TTC23L: variants seen among roughly 807,000 people sequenced by gnomAD.
The protein encoded by TTC23L is tetratricopeptide repeat domain 23 like.
Under a neutral mutation model 48.1 loss-of-function variants are expected in TTC23L, and 42 were observed. That is an observed-to-expected ratio of 0.87 (90% CI 0.68 to 1.13). The LOEUF is 1.13. Ranked by LOEUF, TTC23L falls within the 50% of genes most tolerant of loss-of-function variation. TTC23L has a pLI of 0.00. For missense variants in TTC23L, 391 were observed against 421.0 expected (o/e 0.93, Z 0.62); for synonymous variants, 159 against 157.2 (o/e 1.01, Z -0.09).
the TTC23L span, among the ~76,000 whole-genome samples, chr5:34,917,352 G>C: frequency 5.9e-5 from 9 of 152,136 alleles, no homozygotes; most frequent in Non-Finnish European, 4.4e-5. Flanking sequence ...CTTTAAAAAT[G>C]GTCCAGCGTG....
At chr5:34,903,937 C>T (rs1345448193), downstream of TTC23L, among the ~76,000 whole-genome samples, 81 of 152,064 alleles carry the variant, frequency 5.3e-4, no homozygotes, top group Non-Finnish European at 2.9e-5. Flanking sequence ...CAAGCTGTCT[C>T]ACATACAGAT....
intron 8 of TTC23L, 139 bp from the exon 9 acceptor site, chr5:34,880,042 C>A: frequency 9.9e-7 from 1 of 1,005,712 alleles, no homozygotes; most frequent in African/African-American, 1.6e-5. Flanking sequence ...ACATCTTAGA[C>A]TTTTAAAGAG....
the TTC23L span, chr5:34,914,777 T>G: frequency 6.2e-7 from 1 of 1,614,252 alleles, no homozygotes. Flanking sequence ...ACACGTGGCA[T>G]GTTCTCGGAA....
At chr5:34,896,817 G>C in exon 10 of TTC23L, 1 of 751,242 alleles carries the variant, frequency 1.3e-6, no homozygotes. Context: ...ATTCCTGGAA[G>C]AAGGAACTCT....
intron 8 of TTC23L, chr5:34,869,316 G>A: frequency 3.5e-6 from 1 of 287,076 alleles, no homozygotes; most frequent in East Asian, 7.8e-5. Flanking sequence ...GGCCTGTGCA[G>A]TATCGGTTGA....
intron 9 of TTC23L, among the ~76,000 whole-genome samples, chr5:34,890,664 A>C (rs947001388): frequency 6.6e-6 from 1 of 152,196 alleles, no homozygotes; most frequent in Non-Finnish European, 1.5e-5. Context: ...TTTATGATTT[A>C]CTGAAGTTAA....
chr5:34,841,046 A>T (rs6872316), intron 2 of TTC23L, among the ~76,000 whole-genome samples: 198 of 152,266 alleles, frequency 1.3e-3, no homozygotes, highest in African/African-American at 4.1e-3. Context: ...TGTCTCAAAA[A>T]AAAATAAAAT....
intron 9 of TTC23L, among the ~76,000 whole-genome samples, chr5:34,886,494 C>T (rs1000601123): frequency 9.2e-5 from 14 of 151,936 alleles, no homozygotes; most frequent in Non-Finnish European, 1.6e-4. Flanking sequence ...ATAATACGGG[C>T]AGGATCTGCT....
chr5:34,925,225 G>A, the TTC23L span: 2 of 1,421,060 alleles, frequency 1.4e-6, no homozygotes, highest in South Asian at 1.4e-5. Flanking sequence ...TTTTTTTTTA[G>A]CATCGGCGTG....
chr5:34,866,686 G>C (rs1184784675), intron 6 of TTC23L, among the ~76,000 whole-genome samples: 4 of 152,166 alleles, frequency 2.6e-5, no homozygotes, highest in African/African-American at 9.7e-5. Context: ...ATAGTAATGG[G>C]TTTAATGAGT....
chr5:34,892,761 T>A (rs560259312), intron 9 of TTC23L, among the ~76,000 whole-genome samples: 2 of 152,080 alleles, frequency 1.3e-5, no homozygotes, highest in African/African-American at 4.8e-5. Context: ...CATAGTGGCG[T>A]AGATACCCGA....
chr5:34,857,366 T>C (rs953160364), intron 4 of TTC23L, among the ~76,000 whole-genome samples: 1 of 152,214 alleles, frequency 6.6e-6, no homozygotes, highest in African/African-American at 2.4e-5. Context: ...TTCCAGGTAC[T>C]GGGGCTCTGT....
chr5:34,847,295 C>G (rs903676363), intron 3 of TTC23L, among the ~76,000 whole-genome samples: 1 of 152,136 alleles, frequency 6.6e-6, no homozygotes, highest in Non-Finnish European at 1.5e-5. Flanking sequence ...TCTAAAAACA[C>G]ACAAGTACCA....
At chr5:34,918,419 T>G in the TTC23L span, 2 of 1,610,074 alleles carry the variant, frequency 1.2e-6, no homozygotes, top group Non-Finnish European at 1.7e-6. Context: ...GGAATAAATT[T>G]TAGAACAAGA....
chr5:34,895,532 C>A (rs1763162223), intron 9 of TTC23L, among the ~76,000 whole-genome samples: 1 of 152,146 alleles, frequency 6.6e-6, no homozygotes, highest in Non-Finnish European at 1.5e-5. Context: ...TTTTGATATA[C>A]CTTTTGATGG....
intron 3 of TTC23L, among the ~76,000 whole-genome samples, chr5:34,846,600 T>TATATATATATATATATATATATATACAC (rs61009546): frequency 1.1e-5 from 1 of 92,912 alleles, no homozygotes; most frequent in African/African-American, 5.2e-5. Context: ...TATATATATA[T>TATATATATATATATATATATATATACAC]ACACACACAT....
intron 4 of TTC23L, 123 bp downstream of exon 4, chr5:34,850,431 C>A: frequency 8.3e-7 from 1 of 1,209,504 alleles, no homozygotes; most frequent in Non-Finnish European, 1.2e-6. Context: ...CACACATTAT[C>A]AGGAAGGAAA....
At chr5:34,878,230 G>T (rs1761992612) in intron 8 of TTC23L, among the ~76,000 whole-genome samples, 1 of 152,148 alleles carries the variant, frequency 6.6e-6, no homozygotes, top group Admixed American at 6.6e-5. Flanking sequence ...GCCAGGTATT[G>T]TGGTGTGTTC....
chr5:34,903,897 G>C (rs1763568995), downstream of TTC23L, among the ~76,000 whole-genome samples: 4 of 151,640 alleles, frequency 2.6e-5, no homozygotes, highest in Non-Finnish European at 5.9e-5. Flanking sequence ...TCTGTACCAA[G>C]TTAGAAAAAA....
Sources: allele counts gnomAD v4.1 joint callset (sites outside exome capture counted in the v4.1 genomes callset), GRCh38; gene constraint gnomAD v4.1.1; transcripts MANE v1.5; gene names NCBI Gene and HGNC (gene_info 2026-07-23, HGNC 2026-07-21).